The following CLVS1 variants were observed in gnomAD, a reference collection of about 807,000 sequenced individuals.
CLVS1 encodes the protein clavesin 1, also known as clavesin-1.
CLVS1 carries 10 observed loss-of-function variants against 33.1 expected under a neutral mutation model. The ratio of observed to expected loss-of-function variants is 0.30; its 90% confidence interval spans 0.19 to 0.51. CLVS1 has a LOEUF of 0.51. CLVS1 is among the 20% of genes least tolerant of loss of function. CLVS1 has a pLI of 0.97. For synonymous variants in CLVS1, 163 were observed against 166.1 expected (o/e 0.98, Z 0.14); for missense variants, 343 against 433.4 (o/e 0.79, Z 1.85).
At chr8:61,359,854 G>C (rs1812899610) in intron 2 of CLVS1, among the ~76,000 whole-genome samples, 1 of 152,194 alleles carries the variant, frequency 6.6e-6, no homozygotes, top group African/African-American at 2.4e-5. Context: ...TGGTGGGCCT[G>C]TGTCCCCTTG....
chr8:61,489,599 G>A (rs7827357), intron 5 of CLVS1, among the ~76,000 whole-genome samples: 4,125 of 152,258 alleles, frequency 0.027, 80 homozygotes, highest in South Asian at 0.065. Flanking sequence ...AAGATAATGC[G>A]ACGAAATACT....
At chr8:61,212,681 G>T (rs1807995881) in intron 2 of CLVS1, among the ~76,000 whole-genome samples, 1 of 152,180 alleles carries the variant, frequency 6.6e-6, no homozygotes, top group African/African-American at 2.4e-5. Context: ...AGAAAAGACA[G>T]AGCTAAAATT....
intron 1 of CLVS1, chr8:61,090,980 T>G: frequency 2.2e-6 from 1 of 462,360 alleles, no homozygotes; most frequent in Non-Finnish European, 4.3e-6. Flanking sequence ...GACTGATTAA[T>G]GACCCATGCC....
intron 1 of CLVS1, among the ~76,000 whole-genome samples, chr8:61,121,233 C>T (rs747329722): frequency 1.4e-4 from 21 of 152,076 alleles, no homozygotes; most frequent in Non-Finnish European, 2.2e-4. Context: ...TGCTTCGGCT[C>T]GCTCACGGTG....
intron 1 of CLVS1, among the ~76,000 whole-genome samples, chr8:61,297,599 T>C (rs984485042): frequency 1.8e-4 from 28 of 152,252 alleles, no homozygotes; most frequent in Middle Eastern, 3.4e-3. Context: ...CGAGTTTGTG[T>C]TGTCTGTGAG....
intron 2 of CLVS1, among the ~76,000 whole-genome samples, chr8:61,353,941 G>T (rs1301135843): frequency 6.6e-6 from 1 of 151,830 alleles, no homozygotes; most frequent in Non-Finnish European, 1.5e-5. Context: ...AAAGGAAAAT[G>T]AAGGAATATT....
chr8:61,392,024 AT>A (rs1814322257), intron 3 of CLVS1, among the ~76,000 whole-genome samples: 1 of 152,178 alleles, frequency 6.6e-6, no homozygotes, highest in Admixed American at 6.5e-5. Context: ...TAATGCTTGC[AT>A]TTCTTTAAGT....
chr8:61,477,833 T>C (rs917785498), intron 5 of CLVS1, among the ~76,000 whole-genome samples: 2 of 152,224 alleles, frequency 1.3e-5, no homozygotes, highest in Non-Finnish European at 2.9e-5. Context: ...TTTCTTGCCT[T>C]CTGCTAGCTT....
chr8:61,010,590 A>G, the CLVS1 span, among the ~76,000 whole-genome samples: 4 of 152,366 alleles, frequency 2.6e-5, no homozygotes, highest in East Asian at 1.9e-4. Context: ...CACATCAATT[A>G]AAGAGTGGGC....
intron 5 of CLVS1, among the ~76,000 whole-genome samples, chr8:61,472,108 C>A (rs533320989): frequency 2.6e-5 from 4 of 152,252 alleles, no homozygotes; most frequent in African/African-American, 9.6e-5. Flanking sequence ...GCTTGTCCCC[C>A]TCCCCATGCC....
the CLVS1 span, among the ~76,000 whole-genome samples, chr8:60,991,672 T>A: frequency 1.3e-5 from 2 of 151,988 alleles, no homozygotes; most frequent in East Asian, 3.9e-4. Flanking sequence ...CTCCCTCTAA[T>A]GTGGAATTCA....
At chr8:61,000,904 A>G in the CLVS1 span, among the ~76,000 whole-genome samples, 2 of 152,036 alleles carry the variant, frequency 1.3e-5, no homozygotes, top group Non-Finnish European at 2.9e-5. Flanking sequence ...TCTGAACCAT[A>G]TTTGGGGAGT....
intron 2 of CLVS1, among the ~76,000 whole-genome samples, chr8:61,336,550 G>A (rs1811814000): frequency 2.0e-5 from 3 of 152,080 alleles, no homozygotes; most frequent in African/African-American, 2.4e-5. Flanking sequence ...CCTGGTACTG[G>A]GAGGCACCTC....
chr8:61,007,126 A>G, the CLVS1 span, among the ~76,000 whole-genome samples: 1 of 152,244 alleles, frequency 6.6e-6, no homozygotes, highest in Non-Finnish European at 1.5e-5. Flanking sequence ...TGAGAAGTAA[A>G]AGGAAACTTT....
the CLVS1 span, chr8:60,967,469 C>T: frequency 2.9e-6 from 1 of 340,122 alleles, no homozygotes; most frequent in Non-Finnish European, 5.8e-6. Flanking sequence ...CGCATAGAGA[C>T]ATAAATCGTG....
chr8:61,076,675 T>C lies in CLVS1; in HGVS notation c.-243+19445T>C, dbSNP rs186442536. On this transcript the variant is annotated intron_variant, in intron 1 of 2. Coordinates refer to the CLVS1 transcript ENST00000522621. ...AGAAGATGATGAATGTGCCAGATGC[T>C]TCCATTTGTGGTAAGATCACCAGGA... 1.9e-3 allele frequency among the ~76,000 whole-genome samples: 286 copies of C among 152,350 alleles called. 1 individual carries two copies. Among genetic ancestry groups the C allele is most frequent in the Admixed American group, 3.2e-3 (49 of 15,304 alleles).
intron 1 of CLVS1, among the ~76,000 whole-genome samples, chr8:61,100,202 A>G (rs1242835895): frequency 6.6e-6 from 1 of 152,204 alleles, no homozygotes; most frequent in East Asian, 1.9e-4. Flanking sequence ...ATTAGGCAGG[A>G]CAACTTGCAT....
At chr8:61,033,126 GGAA>G in the CLVS1 span, among the ~76,000 whole-genome samples, 2 of 68,732 alleles carry the variant, frequency 2.9e-5, no homozygotes, top group Non-Finnish European at 3.3e-5. Flanking sequence ...AAGGAAGAAA[GGAA>G]AGAAAGAAAG....
intron 3 of CLVS1, among the ~76,000 whole-genome samples, chr8:61,442,956 G>A (rs1816620349): frequency 6.6e-6 from 1 of 152,168 alleles, no homozygotes; most frequent in African/African-American, 2.4e-5. Flanking sequence ...ATATCTCATT[G>A]TGGTTTTAAC....
Sources: gnomAD v4.1 joint callset for allele counts (sites outside exome capture counted in the v4.1 genomes callset) on GRCh38, gnomAD v4.1.1 for gene constraint, MANE v1.5 for transcripts, NCBI Gene and HGNC (gene_info 2026-07-23, HGNC 2026-07-21) for gene names.